Variants in ZNF469 observed in about 807,000 individuals in gnomAD.
The protein encoded by ZNF469 is zinc finger protein 469.
In ZNF469, 1 loss-of-function variant was observed where a neutral mutation model predicts 1.0. That is an observed-to-expected ratio of 1.00 (90% CI 0.35 to 4.73). The LOEUF is 4.73. Ranked by LOEUF, ZNF469 falls within the 30% of genes most tolerant of loss-of-function variation. The pLI is 0.16. For synonymous variants in ZNF469, 2,703 were observed against 2,363.4 expected (o/e 1.14, Z -4.17); for missense variants, 6,100 against 5,356.3 (o/e 1.14, Z -4.33).
the ZNF469 span, among the ~76,000 whole-genome samples, chr16:88,357,584 G>T: frequency 6.6e-6 from 1 of 152,198 alleles, no homozygotes; most frequent in Non-Finnish European, 1.5e-5. Context: ...GCAGGCAGGC[G>T]GGGGCCTGGG....
In ZNF469 at chr16:88,414,981, C is replaced by T. The variant is rs375635995; in HGVS notation, c.-191-9826C>T. ...AACAGCAGGGTCAGCCGCGCCAGGG[C>T]CCAGGTAGCCTCGAGGAGGCACCTG... On this transcript the variant is annotated intron_variant, in intron 1 of 2. Coordinates refer to ENST00000565624, the MANE Select transcript of ZNF469 (RefSeq NM_001367624.2). 4.6e-5 allele frequency among the ~76,000 whole-genome samples: 7 copies of T among 152,344 alleles called. No homozygotes were observed. The South Asian group carries it at 1.0e-3, about 23-fold the overall frequency.
intron 1 of ZNF469, among the ~76,000 whole-genome samples, chr16:88,409,369 A>G (rs1905085941): frequency 6.6e-6 from 1 of 152,254 alleles, no homozygotes; most frequent in African/African-American, 2.4e-5. Context: ...GCACGGCTAG[A>G]CAAACGTGAA....
rs377113529 is a variant in ZNF469, at chr16:88,402,929, CA to C, written c.-192+19676del. ...GCTGACTCTTTCAGCTGAGAACCCC[CA>C]CGCCGGGAACAGGAACACCCCATCA... On this transcript the variant is annotated intron_variant, in intron 1 of 2. Coordinates refer to ENST00000565624, the MANE Select transcript of ZNF469 (RefSeq NM_001367624.2). Among the ~76,000 whole-genome samples the C allele has an allele frequency of 3.3e-5, 5 of 152,296 alleles. No homozygotes were observed. In the East Asian group the frequency reaches 5.8e-4, roughly 18 times the overall value.
At chr16:88,246,757 A>ATGAG in the ZNF469 span, among the ~76,000 whole-genome samples, 10 of 152,130 alleles carry the variant, frequency 6.6e-5, no homozygotes, top group Non-Finnish European at 1.3e-4. Flanking sequence ...GAGTGAGTGA[A>ATGAG]TGAGTGAGTG....
chr16:88,429,885 C>G lies in ZNF469; in HGVS notation c.2415C>G (p.Ala805=). The G allele has an allele frequency of 6.5e-7, 1 of 1,550,226 alleles. No individual in the cohort carries two copies. The highest frequency in any genetic ancestry group is 1.2e-5 in the South Asian group (1 of 84,054). Residue 805 remains alanine, a synonymous_variant, in exon 3 of 3, where the codon GCC becomes GCG. Coordinates refer to ENST00000565624, the MANE Select transcript of ZNF469 (RefSeq NM_001367624.2). ...TCCTGTTAGCTGGGGACGCCCAGGC[C>G]GAGGGCAAAGACGACCCCCTGAGGA... ...KTFLLAGDAQ[A]EGKDDPLRTG... is the part of the protein sequence containing the mutation.
intron 1 of ZNF469, among the ~76,000 whole-genome samples, chr16:88,391,380 G>C (rs868684417): frequency 6.6e-6 from 1 of 152,358 alleles, no homozygotes. Flanking sequence ...GGCTGGCTGC[G>C]TTCCCCAGGT....
At chr16:88,243,572 T>A in the ZNF469 span, among the ~76,000 whole-genome samples, 11 of 152,044 alleles carry the variant, frequency 7.2e-5, 1 homozygote, top group East Asian at 1.5e-3. Context: ...GAGTAGAGCA[T>A]CTCCTTCAAC....
At chr16:88,133,402 T>A in the ZNF469 span, among the ~76,000 whole-genome samples, 1 of 152,232 alleles carries the variant, frequency 6.6e-6, no homozygotes, top group Non-Finnish European at 1.5e-5. Context: ...CTGGGGCCTG[T>A]CAGGGAAGGG....
the ZNF469 span, among the ~76,000 whole-genome samples, chr16:88,180,817 G>A: frequency 6.6e-6 from 1 of 152,114 alleles, no homozygotes; most frequent in African/African-American, 2.4e-5. Context: ...CATTCTGTAG[G>A]AAAATATAGC....
chr16:88,436,171 C>T lies in ZNF469; in HGVS notation c.8701C>T (p.Pro2901Ser). Residue 2901 changes from proline (P) to serine (S), a missense_variant, in exon 3 of 3, where the codon CCC (proline) becomes TCC (serine). Pro to Ser is a moderately conservative substitution (Grantham distance 74). Transcript: ENST00000565624. ...TQPSFEEGGD[P>S]TLGPARLPTD... ...GCCCAGCTTTGAGGAGGGCGGTGAC[C>T]CCACGCTGGGCCCAGCCCGCCTGCC... 6.5e-7 allele frequency: 1 copy of T among 1,547,752 alleles called. No individual in the cohort carries two copies.
the ZNF469 span, among the ~76,000 whole-genome samples, chr16:88,182,805 C>G: frequency 1.3e-5 from 2 of 151,084 alleles, no homozygotes; most frequent in African/African-American, 4.9e-5. Flanking sequence ...TAGAAGAAAA[C>G]AAAAAACTGC....
the ZNF469 span, among the ~76,000 whole-genome samples, chr16:88,107,121 G>A: frequency 6.6e-6 from 1 of 151,170 alleles, no homozygotes. Flanking sequence ...ACTGTCCCAG[G>A]CTTCAGACAG....
At chr16:88,373,541 G>A in the ZNF469 span, among the ~76,000 whole-genome samples, 2 of 152,308 alleles carry the variant, frequency 1.3e-5, no homozygotes, top group South Asian at 2.1e-4. Flanking sequence ...CTGGGCCTCA[G>A]TTTCTTCATC....
chr16:88,313,128 T>G, the ZNF469 span, among the ~76,000 whole-genome samples: 1 of 152,258 alleles, frequency 6.6e-6, no homozygotes, highest in Non-Finnish European at 1.5e-5. Flanking sequence ...CCCTCCGCTG[T>G]GCCTCCAAGT....
chr16:88,254,652 G>A, the ZNF469 span, among the ~76,000 whole-genome samples: 132 of 152,306 alleles, frequency 8.7e-4, no homozygotes, highest in African/African-American at 2.6e-3. Flanking sequence ...CAGCTACTCC[G>A]GAGGCTGAGG....
At chr16:88,295,380 TCGGGCCCCCAGGACG>T in the ZNF469 span, among the ~76,000 whole-genome samples, 48 of 93,174 alleles carry the variant, frequency 5.2e-4, no homozygotes, top group African/African-American at 1.8e-3. Context: ...GGACGTCATC[TCGGGCCCCCAGGACG>T]TGGCAGGGCT....
At chr16:88,289,072 A>G in the ZNF469 span, among the ~76,000 whole-genome samples, 3 of 151,880 alleles carry the variant, frequency 2.0e-5, no homozygotes, top group Non-Finnish European at 4.4e-5. Context: ...GATGAGGGTG[A>G]TGATGATGAG....
chr16:88,163,648 GGA>G, the ZNF469 span, among the ~76,000 whole-genome samples: 1 of 118,216 alleles, frequency 8.5e-6, no homozygotes, highest in African/African-American at 2.7e-5. Context: ...ATGGATGGAT[GGA>G]TGGATAGTTG....
In ZNF469 at chr16:88,424,177, G is replaced by A. The variant is rs545738739; in HGVS notation, c.-191-630G>A. On this transcript the variant is annotated intron_variant, in intron 1 of 2. Coordinates refer to ENST00000565624, the MANE Select transcript of ZNF469 (RefSeq NM_001367624.2). The surrounding 1 kb of genome is among the most constrained non-coding windows in gnomAD (Gnocchi z 4.3). ...CCAGTGTCCATCCAGACAGGTCTGG[G>A]TGCTCTGCAGCCTGGATGCGAGGAC... Among the ~76,000 whole-genome samples, 292 of 152,366 alleles carry A rather than the reference G, an allele frequency of 1.9e-3. 1 individual carries two copies. The highest frequency in any genetic ancestry group is 6.4e-3 in the African/African-American group (268 of 41,592).
Sources: gnomAD v4.1 joint callset for allele counts (sites outside exome capture counted in the v4.1 genomes callset) on GRCh38, gnomAD v4.1.1 for gene constraint, Gnocchi (gnomAD v3.1) non-coding constraint, MANE v1.5 for transcripts, NCBI Gene and HGNC (gene_info 2026-07-23, HGNC 2026-07-21) for gene names.